The following PRICKLE2 variants were observed in gnomAD, a reference collection of about 807,000 sequenced individuals.
PRICKLE2 encodes prickle planar cell polarity protein 2, also known as prickle-like protein 2.
A neutral mutation model predicts 81.4 loss-of-function variants in PRICKLE2; 21 were observed. That is an observed-to-expected ratio of 0.26 (90% CI 0.18 to 0.37). The LOEUF is 0.37. Ranked by LOEUF, PRICKLE2 falls within the 10% of genes least tolerant of loss-of-function variation. The pLI is 1.00. For synonymous variants in PRICKLE2, 456 were observed against 421.5 expected (o/e 1.08, Z -1.00); for missense variants, 940 against 1,109.0 (o/e 0.85, Z 2.16).
At chr3:64,229,348 G>A (rs1348672932), upstream of PRICKLE2, among the ~76,000 whole-genome samples, 1 of 152,124 alleles carries the variant, frequency 6.6e-6, no homozygotes, top group Admixed American at 6.5e-5. Context: ...CAGAAGGGAA[G>A]GGTAAGTGAC....
At chr3:64,109,998 G>C (rs1244173901) in intron 7 of PRICKLE2, among the ~76,000 whole-genome samples, 2 of 152,178 alleles carry the variant, frequency 1.3e-5, no homozygotes, top group Non-Finnish European at 2.9e-5. Context: ...TAAAGATGGA[G>C]TCAATTTTAA....
chr3:64,170,932 C>G (rs902820328), intron 2 of PRICKLE2, among the ~76,000 whole-genome samples: 1 of 152,158 alleles, frequency 6.6e-6, no homozygotes, highest in South Asian at 2.1e-4. Context: ...AAAACAACAA[C>G]CCTGGATTAT....
intron 2 of PRICKLE2, among the ~76,000 whole-genome samples, chr3:64,239,190 C>A (rs114963215): frequency 6.6e-6 from 1 of 152,128 alleles, no homozygotes; most frequent in African/African-American, 2.4e-5. Context: ...CTGACTCATC[C>A]GTCAGGCACC....
intron 2 of PRICKLE2, among the ~76,000 whole-genome samples, chr3:64,188,980 G>A (rs2107095634): frequency 6.6e-6 from 1 of 152,296 alleles, no homozygotes; most frequent in East Asian, 1.9e-4. Flanking sequence ...CTATTAAGTT[G>A]TCTGCATCCT....
At chr3:64,265,984 C>T (rs560075493) in intron 2 of PRICKLE2, among the ~76,000 whole-genome samples, 6 of 152,142 alleles carry the variant, frequency 3.9e-5, no homozygotes, top group African/African-American at 1.4e-4. Context: ...GGAAGTACAA[C>T]CCCGAAAATA....
At chr3:64,194,637 G>C (rs1432195085) in intron 2 of PRICKLE2, among the ~76,000 whole-genome samples, 2 of 152,126 alleles carry the variant, frequency 1.3e-5, no homozygotes, top group Non-Finnish European at 2.9e-5. Flanking sequence ...CCTTCTTATA[G>C]CTTGTTAATT....
At chr3:64,244,224 T>A (rs2079312755) in intron 2 of PRICKLE2, among the ~76,000 whole-genome samples, 1 of 152,190 alleles carries the variant, frequency 6.6e-6, no homozygotes, top group Non-Finnish European at 1.5e-5. Flanking sequence ...TCTGTTTAAT[T>A]TTACTCAGTG....
chr3:64,266,337 T>A (rs946954543), intron 2 of PRICKLE2, among the ~76,000 whole-genome samples: 2 of 152,154 alleles, frequency 1.3e-5, no homozygotes, highest in African/African-American at 4.8e-5. Context: ...CAAACAGAAA[T>A]AAAAGTTGCT....
intron 7 of PRICKLE2, among the ~76,000 whole-genome samples, chr3:64,138,031 C>G (rs547464399): frequency 6.6e-6 from 1 of 152,146 alleles, no homozygotes; most frequent in Admixed American, 6.5e-5. Flanking sequence ...AAAACCATAG[C>G]TGAAATACAT....
chr3:64,192,801 G>A (rs1352485743), intron 2 of PRICKLE2, among the ~76,000 whole-genome samples: 1 of 152,166 alleles, frequency 6.6e-6, no homozygotes, highest in African/African-American at 2.4e-5. Context: ...CTTATTCTGT[G>A]CTAAAACATA....
intron 2 of PRICKLE2, among the ~76,000 whole-genome samples, chr3:64,169,645 C>T (rs1042446705): frequency 1.3e-5 from 2 of 152,184 alleles, no homozygotes; most frequent in Non-Finnish European, 2.9e-5. Flanking sequence ...AACACAAACA[C>T]AAGGTAAAGG....
chr3:64,254,538 C>A (rs1034082214), intron 2 of PRICKLE2, among the ~76,000 whole-genome samples: 2 of 152,134 alleles, frequency 1.3e-5, no homozygotes, highest in African/African-American at 4.8e-5. Context: ...CTATTTCTCA[C>A]TTCCTAACTG....
chr3:64,192,293 G>A (rs902401350), intron 2 of PRICKLE2, among the ~76,000 whole-genome samples: 5 of 152,196 alleles, frequency 3.3e-5, no homozygotes, highest in Non-Finnish European at 7.3e-5. Context: ...GGTGCTGGGA[G>A]GATTCCGAAA....
chr3:64,113,643 T>C (rs2076886356), intron 7 of PRICKLE2, among the ~76,000 whole-genome samples: 2 of 151,992 alleles, frequency 1.3e-5, no homozygotes, highest in Non-Finnish European at 2.9e-5. Context: ...TGGAGTGTAG[T>C]CTGCACCCAC....
At chr3:64,180,056 G>A (rs1559560277) in intron 2 of PRICKLE2, among the ~76,000 whole-genome samples, 3 of 152,142 alleles carry the variant, frequency 2.0e-5, no homozygotes, top group African/African-American at 7.2e-5. Context: ...AAGCCACATG[G>A]ATCAGTTTGA....
intron 5 of PRICKLE2, chr3:64,154,401 C>A (rs1054916906): frequency 7.0e-6 from 1 of 142,546 alleles, no homozygotes; most frequent in African/African-American, 2.5e-5. Context: ...AAAAAAATAG[C>A]CAGGTGTGGT....
chr3:64,214,909 A>T (rs1021457369), intron 1 of PRICKLE2, among the ~76,000 whole-genome samples: 3 of 152,098 alleles, frequency 2.0e-5, no homozygotes, highest in African/African-American at 7.2e-5. Flanking sequence ...GATGAGTCTT[A>T]GTCATTTATT....
chr3:64,181,752 T>C (rs1654676077), intron 2 of PRICKLE2, among the ~76,000 whole-genome samples: 1 of 152,188 alleles, frequency 6.6e-6, no homozygotes, highest in African/African-American at 2.4e-5. Context: ...GATCTTAAAA[T>C]TCTTAGTATT....
chr3:64,226,155 A>G (rs1329043403), upstream of PRICKLE2, among the ~76,000 whole-genome samples: 2 of 152,106 alleles, frequency 1.3e-5, no homozygotes, highest in Non-Finnish European at 2.9e-5. Context: ...CCATCTCCTC[A>G]TTTTACAGAT....
Sources: gnomAD v4.1 joint callset for allele counts (sites outside exome capture counted in the v4.1 genomes callset) on GRCh38, gnomAD v4.1.1 for gene constraint, MANE v1.5 for transcripts, NCBI Gene and HGNC (gene_info 2026-07-23, HGNC 2026-07-21) for gene names.